Variants in SPOCK1 observed in about 807,000 individuals in gnomAD.
SPOCK1 encodes SPARC (osteonectin), cwcv and kazal like domains proteoglycan 1, also known as testican-1.
A neutral mutation model predicts 55.3 loss-of-function variants in SPOCK1; 23 were observed. The observed-to-expected ratio is 0.42, with a 90% CI of 0.30 to 0.59. SPOCK1 has a LOEUF of 0.59. Among genes scored for constraint, SPOCK1 ranks in the 20% least tolerant of loss-of-function variants. The probability of loss-of-function intolerance (pLI) is 0.22; values close to 1 mark genes in which losing one functional copy is unlikely to be tolerated. For synonymous variants in SPOCK1, 226 were observed against 221.0 expected, an observed-to-expected ratio of 1.02 and a Z score of -0.20; for missense variants, 499 against 552.5, an observed-to-expected ratio of 0.90 and a Z score of 0.97.
At chr5:137,312,116 T>G (rs531825374) in intron 2 of SPOCK1, among the ~76,000 whole-genome samples, 3 of 152,368 alleles carry the variant, frequency 2.0e-5, no homozygotes, top group East Asian at 3.9e-4. Flanking sequence ...GGGTACTTCT[T>G]TTTCAAAGAG....
intron 3 of SPOCK1, among the ~76,000 whole-genome samples, chr5:137,210,587 G>A (rs996575809): frequency 1.2e-4 from 18 of 152,236 alleles, no homozygotes; most frequent in African/African-American, 4.3e-4. Context: ...TTGTAATACA[G>A]GTCAGATACA....
intron 2 of SPOCK1, among the ~76,000 whole-genome samples, chr5:137,490,379 C>T (rs536825557): frequency 6.6e-6 from 1 of 152,224 alleles, no homozygotes; most frequent in Non-Finnish European, 1.5e-5. Context: ...AGGTGCTAGC[C>T]CCTGCAAGAA....
rs1178977471 is a variant in SPOCK1 at position 137,498,359 on chromosome 5, G to A, written c.186+14C>T. On this transcript the variant is annotated intron_variant, in intron 2 of 10. Transcript: ENST00000394945. ...GCTCCGCGCCCCCCAGGGCCGGGTG[G>A]CGCCGGTACTCACGTCTCGAAAGCG... 1 of 1,572,766 alleles carries A rather than the reference G, an allele frequency of 6.4e-7. No individual in the cohort carries two copies. Among genetic ancestry groups the A allele is most frequent in the Admixed American group, 1.8e-5 (1 of 56,682 alleles).
At chr5:137,221,787 T>C (rs1343315728) in intron 3 of SPOCK1, among the ~76,000 whole-genome samples, 1 of 152,204 alleles carries the variant, frequency 6.6e-6, no homozygotes, top group South Asian at 2.1e-4. Flanking sequence ...TCCAAGAAAA[T>C]TAGCATCTGA....
chr5:137,226,155 C>A (rs1328081855), intron 3 of SPOCK1, among the ~76,000 whole-genome samples: 1 of 152,218 alleles, frequency 6.6e-6, no homozygotes, highest in Admixed American at 6.5e-5. Context: ...TAAAGCAATT[C>A]TGCAGCACAG....
At chr5:137,206,170 C>T (rs1042360167) in intron 3 of SPOCK1, among the ~76,000 whole-genome samples, 6 of 152,346 alleles carry the variant, frequency 3.9e-5, no homozygotes, top group South Asian at 2.1e-4. Flanking sequence ...GTTAAGGCTG[C>T]CACACTGGGC....
chr5:136,992,059 T>C (rs1307031868), intron 7 of SPOCK1, among the ~76,000 whole-genome samples: 8 of 152,134 alleles, frequency 5.3e-5, no homozygotes, highest in African/African-American at 2.4e-5. Context: ...AAAATAAAGA[T>C]CAAATTAAGT....
At chr5:137,064,373 A>ATGTGTGCGTG (rs1214136386) in intron 6 of SPOCK1, among the ~76,000 whole-genome samples, 1 of 152,088 alleles carries the variant, frequency 6.6e-6, no homozygotes, top group Non-Finnish European at 1.5e-5. Context: ...GTGTGTGTGT[A>ATGTGTGCGTG]TGTGTGCGTG....
At chr5:137,468,343 C>G (rs1282334633) in intron 2 of SPOCK1, among the ~76,000 whole-genome samples, 1 of 152,156 alleles carries the variant, frequency 6.6e-6, no homozygotes, top group Non-Finnish European at 1.5e-5. Flanking sequence ...AGACACAGAC[C>G]AGTGGGTGTT....
At chr5:137,452,335 A>G (rs1487090534) in intron 2 of SPOCK1, among the ~76,000 whole-genome samples, 2 of 152,202 alleles carry the variant, frequency 1.3e-5, no homozygotes, top group African/African-American at 2.4e-5. Flanking sequence ...TTGTTGCTGT[A>G]CATACTAAGA....
intron 3 of SPOCK1, among the ~76,000 whole-genome samples, chr5:137,226,669 C>T (rs542010637): frequency 2.6e-5 from 4 of 152,326 alleles, no homozygotes; most frequent in South Asian, 2.1e-4. Context: ...GGAACCCCTA[C>T]CCGTAGGCTC....
At chr5:137,173,686 AT>A (rs1367676039) in intron 3 of SPOCK1, among the ~76,000 whole-genome samples, 1 of 152,230 alleles carries the variant, frequency 6.6e-6, no homozygotes, top group African/African-American at 2.4e-5. Context: ...TTTGAATGGC[AT>A]ATGAGGTCAG....
chr5:137,396,227 C>T (rs557389689), intron 2 of SPOCK1, among the ~76,000 whole-genome samples: 1 of 152,280 alleles, frequency 6.6e-6, no homozygotes, highest in South Asian at 2.1e-4. Context: ...TCCAAAATTC[C>T]TTGAGTATTT....
intron 9 of SPOCK1, among the ~76,000 whole-genome samples, chr5:136,980,820 C>T (rs1344393771): frequency 1.3e-5 from 2 of 152,076 alleles, no homozygotes; most frequent in Admixed American, 1.3e-4. Context: ...CAGATATGCT[C>T]TAGAGATTTT....
At chr5:137,067,978 T>C (rs1197433782) in intron 5 of SPOCK1, 149 bp from the exon 6 acceptor site, 2 of 591,198 alleles carry the variant, frequency 3.4e-6, no homozygotes, top group African/African-American at 1.9e-5. Context: ...AATTACAGAA[T>C]ACTAAATAAG....
At chr5:137,303,296 A>G (rs567272707) in intron 2 of SPOCK1, among the ~76,000 whole-genome samples, 2 of 152,188 alleles carry the variant, frequency 1.3e-5, no homozygotes, top group South Asian at 2.1e-4. Context: ...AGCGAGACCT[A>G]TAAGATGTGG....
chr5:137,166,690 T>C lies in SPOCK1; in HGVS notation c.233-25996A>G, dbSNP rs541117248. Among the ~76,000 whole-genome samples the C allele has an allele frequency of 1.3e-4, 19 of 151,658 alleles. No individual in the cohort carries two copies. In the East Asian group the frequency reaches 3.3e-3, roughly 26 times the overall value. The stretch of plus-strand genomic sequence containing the variant: ...TGGGGGACAAAGTTATAGTGTAGAG[T>C]CTTAGTTTTGTTTTTGTTTATTTGT... On this transcript the variant is annotated intron_variant, in intron 3 of 10. Coordinates refer to ENST00000394945, the MANE Select transcript of SPOCK1 (RefSeq NM_004598.4).
chr5:137,409,888 T>G (rs879913820), intron 2 of SPOCK1, among the ~76,000 whole-genome samples: 2 of 152,216 alleles, frequency 1.3e-5, no homozygotes, highest in Non-Finnish European at 2.9e-5. Flanking sequence ...TATGGTTGAA[T>G]GGAAATTCAG....
intron 2 of SPOCK1, among the ~76,000 whole-genome samples, chr5:137,295,947 A>G (rs1327671366): frequency 6.6e-6 from 1 of 152,114 alleles, no homozygotes; most frequent in African/African-American, 2.4e-5. Context: ...TGTCTCCCCC[A>G]GATTTTTTGT....
Sources: allele counts gnomAD v4.1 joint callset (sites outside exome capture counted in the v4.1 genomes callset), GRCh38; gene constraint gnomAD v4.1.1; transcripts MANE v1.5; gene names NCBI Gene and HGNC (gene_info 2026-07-23, HGNC 2026-07-21).